TEAD1: variants seen among roughly 807,000 people sequenced by gnomAD.
TEAD1 encodes the protein transcriptional enhancer factor TEF-1.
A neutral mutation model predicts 54.9 loss-of-function variants in TEAD1; 9 were observed. The ratio of observed to expected loss-of-function variants is 0.16; its 90% CI spans 0.10 to 0.29. TEAD1 has a LOEUF of 0.29. Ranked by LOEUF, TEAD1 falls within the 10% of genes least tolerant of loss-of-function variation. TEAD1 has a pLI of 1.00. For synonymous variants in TEAD1, 200 were observed against 187.8 expected (o/e 1.07, Z -0.53); for missense variants, 387 against 535.9 (o/e 0.72, Z 2.74).
intron 2 of TEAD1, among the ~76,000 whole-genome samples, chr11:12,741,748 C>T (rs779177586): frequency 7.2e-5 from 11 of 152,174 alleles, no homozygotes; most frequent in Middle Eastern, 3.4e-3. Flanking sequence ...TCTTTTTTCC[C>T]CCTGCCTTGC....
At chr11:12,913,944 G>C (rs1221070859) in intron 10 of TEAD1, among the ~76,000 whole-genome samples, 1 of 152,180 alleles carries the variant, frequency 6.6e-6, no homozygotes, top group Non-Finnish European at 1.5e-5. Flanking sequence ...TCACACACCT[G>C]ATGAATGAGA....
intron 2 of TEAD1, among the ~76,000 whole-genome samples, chr11:12,679,890 G>C (rs1943179289): frequency 1.3e-5 from 2 of 152,162 alleles, no homozygotes; most frequent in Admixed American, 1.3e-4. Context: ...TTAAGAAAGA[G>C]ACTGTTTTTT....
intron 3 of TEAD1, among the ~76,000 whole-genome samples, chr11:12,806,122 T>C (rs1008894557): frequency 2.6e-5 from 4 of 152,202 alleles, no homozygotes; most frequent in Non-Finnish European, 5.9e-5. Flanking sequence ...TTCGAGTTAA[T>C]ACACTGTTAA....
At chr11:12,734,041 T>G (rs1944476175) in intron 2 of TEAD1, among the ~76,000 whole-genome samples, 1 of 152,118 alleles carries the variant, frequency 6.6e-6, no homozygotes, top group Non-Finnish European at 1.5e-5. Context: ...TGCTTCAGCC[T>G]CCCAAGTAGC....
chr11:12,753,909 A>G (rs1007529522), intron 2 of TEAD1, among the ~76,000 whole-genome samples: 5 of 152,092 alleles, frequency 3.3e-5, no homozygotes, highest in Non-Finnish European at 7.4e-5. Context: ...TGGATTGTAA[A>G]CTATTGTGTG....
At position 12,879,468 on chromosome 11, in the gene TEAD1, A is replaced by G. The variant is rs755091237; in HGVS notation, c.331-240A>G. On this transcript the variant is annotated intron_variant, in intron 5 of 12. Transcript: ENST00000527636. ...TGAGAGGCTTCACATTCTGTTGGAAAATGGATTTAATCCCTAAAAAAAGCC... is the reference window on the plus strand; with the variant it reads ...TGAGAGGCTTCACATTCTGTTGGAAGATGGATTTAATCCCTAAAAAAAGCC... The G allele has an allele frequency of 2.4e-5, 15 of 629,334 alleles. No homozygotes were observed. The East Asian group carries it at 4.1e-4, about 17-fold the overall frequency. 39.0% of individuals were successfully genotyped at this position (629,334 alleles called of 1,614,324 possible).
intron 7 of TEAD1, 28 bp downstream of exon 7, chr11:12,881,079 CA>C (rs2134096513): frequency 6.2e-7 from 1 of 1,613,590 alleles, no homozygotes; most frequent in East Asian, 2.2e-5. Flanking sequence ...TGGGCACTGA[CA>C]ACTACGGGCT....
intron 3 of TEAD1, among the ~76,000 whole-genome samples, chr11:12,767,314 A>G (rs1047779313): frequency 6.6e-6 from 1 of 152,200 alleles, no homozygotes; most frequent in African/African-American, 2.4e-5. Flanking sequence ...GGCCTTAAAG[A>G]GCATACTTTT....
At chr11:12,769,272 C>A (rs1332766029) in intron 3 of TEAD1, among the ~76,000 whole-genome samples, 1 of 152,146 alleles carries the variant, frequency 6.6e-6, no homozygotes, top group Non-Finnish European at 1.5e-5. Context: ...CGCTGCTGAC[C>A]TGTGCCCTGC....
At chr11:12,906,281 C>T (rs1299676684) in intron 10 of TEAD1, among the ~76,000 whole-genome samples, 1 of 152,106 alleles carries the variant, frequency 6.6e-6, no homozygotes, top group Non-Finnish European at 1.5e-5. Flanking sequence ...GTGGCTCACA[C>T]CTGTAATCCT....
Position 12,941,436 on chromosome 11 carries a change from C to T in TEAD1, c.*4214C>T, listed in dbSNP as rs1949161337. 1.3e-5 allele frequency: 2 copies of T among 152,172 alleles called. No individual in the cohort carries two copies. Among genetic ancestry groups the T allele is most frequent in the South Asian group, 4.1e-4 (2 of 4,822 alleles). 9.4% of individuals were successfully genotyped at this position (152,172 alleles called of 1,614,324 possible). On this transcript the variant is annotated 3_prime_UTR_variant, in exon 13 of 13. Coordinates refer to ENST00000527636, the MANE Select transcript of TEAD1 (RefSeq NM_021961.6). ...CAAAAGTCCCCGAACGACTTTTAAA[C>T]CCAAGTCTTCTTAAGGTTTCAGTAC...
chr11:12,919,770 G>T (rs896533218), intron 10 of TEAD1, among the ~76,000 whole-genome samples: 1 of 152,170 alleles, frequency 6.6e-6, no homozygotes, highest in African/African-American at 2.4e-5. Flanking sequence ...AAAGTGCTGG[G>T]ATTATAGGTG....
Position 12,764,345 on chromosome 11 carries a change from A to C in TEAD1, c.113A>C (p.Asp38Ala), listed in dbSNP as rs777001341. ...GATGCAGAAGGGGTCTGGAGCCCCG[A>C]CATCGAGCAAAGCTTTCAGGAGGCC... Residue 38 changes from aspartate (D) to alanine (A), a missense_variant, in exon 3 of 13, where the codon GAC (aspartate) becomes GCC (alanine). Physicochemically the swap from Asp to Ala is moderately radical, Grantham distance 126. This residue lies in a region of TEAD1 where 55 missense variants were observed against 50.4 expected (regional missense o/e 1.09). Transcript: ENST00000527636. 4.3e-6 allele frequency: 7 copies of C among 1,614,062 alleles called. No homozygotes were observed. Among genetic ancestry groups the C allele is most frequent in the Non-Finnish European group, 5.9e-6 (7 of 1,180,028 alleles).
intron 10 of TEAD1, among the ~76,000 whole-genome samples, chr11:12,913,130 G>A (rs530812989): frequency 6.6e-6 from 1 of 152,166 alleles, no homozygotes. Flanking sequence ...GCAAGGCGTA[G>A]TTGGATTAAC....
chr11:12,819,694 G>A (rs370770589), intron 3 of TEAD1, among the ~76,000 whole-genome samples: 7 of 151,764 alleles, frequency 4.6e-5, no homozygotes, highest in Admixed American at 1.3e-4. Context: ...CTTTTGATCC[G>A]CCCGCCTCGG....
At chr11:12,881,832 C>T (rs1947976301) in intron 7 of TEAD1, 64 bp from the exon 8 acceptor site, 2 of 1,566,216 alleles carry the variant, frequency 1.3e-6, no homozygotes. Flanking sequence ...ATGGTGGGGC[C>T]TGGGTAATAG....
intron 3 of TEAD1, among the ~76,000 whole-genome samples, chr11:12,785,169 G>T (rs1945652548): frequency 6.6e-6 from 1 of 152,208 alleles, no homozygotes; most frequent in South Asian, 2.1e-4. Flanking sequence ...GAACGTGTGG[G>T]CCTGCATGTG....
intron 2 of TEAD1, among the ~76,000 whole-genome samples, chr11:12,698,218 C>T (rs1434122813): frequency 2.0e-5 from 3 of 152,136 alleles, no homozygotes; most frequent in South Asian, 2.1e-4. Flanking sequence ...AAGCGGGGAC[C>T]GGGAGGTGAG....
At chr11:12,896,214 T>G (rs1331213119) in intron 9 of TEAD1, among the ~76,000 whole-genome samples, 1 of 152,176 alleles carries the variant, frequency 6.6e-6, no homozygotes, top group African/African-American at 2.4e-5. Flanking sequence ...CCTCAAAGTT[T>G]CGAGGAGAAC....
Sources: allele counts gnomAD v4.1 joint callset (sites outside exome capture counted in the v4.1 genomes callset), GRCh38; gene constraint gnomAD v4.1.1; regional missense constraint gnomAD v4.1.1; transcripts MANE v1.5; gene names NCBI Gene and HGNC (gene_info 2026-07-23, HGNC 2026-07-21).